Variants in ESR2 observed in about 807,000 individuals in gnomAD.
ESR2 encodes the protein estrogen receptor beta.
A neutral mutation model predicts 49.6 loss-of-function variants in ESR2; 36 were observed. The observed-to-expected ratio is 0.73, with a 90% CI of 0.56 to 0.96. The LOEUF (loss-of-function observed/expected upper bound fraction) is 0.96. Ranked by LOEUF, ESR2 falls within the 40% of genes least tolerant of loss-of-function variation. The pLI is 0.00. For synonymous variants in ESR2, 320 were observed against 266.1 expected, an observed-to-expected ratio of 1.20 and a Z score of -1.97; for missense variants, 714 against 693.0, an observed-to-expected ratio of 1.03 and a Z score of -0.34.
intron 7 of ESR2, among the ~76,000 whole-genome samples, chr14:64,240,926 C>A (rs914152459): frequency 6.6e-6 from 1 of 151,826 alleles, no homozygotes; most frequent in Non-Finnish European, 1.5e-5. Context: ...GGGCGGATCA[C>A]GAGATCAGGA....
chr14:64,237,733 G>C (rs1156358945), intron 7 of ESR2, among the ~76,000 whole-genome samples: 1 of 152,190 alleles, frequency 6.6e-6, no homozygotes, highest in East Asian at 1.9e-4. Flanking sequence ...TGATACAGAT[G>C]AACCTTGAAA....
chr14:64,337,082 T>C (rs1186629432), intron 1 of ESR2, among the ~76,000 whole-genome samples: 1 of 152,226 alleles, frequency 6.6e-6, no homozygotes, highest in East Asian at 1.9e-4. Context: ...CTAGCACCTA[T>C]AGCAGTGTTC....
At chr14:64,236,645 G>T (rs566541976) in intron 7 of ESR2, among the ~76,000 whole-genome samples, 31 of 152,136 alleles carry the variant, frequency 2.0e-4, no homozygotes, top group Admixed American at 3.3e-4. Flanking sequence ...CTCCGAACAT[G>T]CTCAACTTGC....
chr14:64,261,941 T>C (rs969198087), intron 4 of ESR2, among the ~76,000 whole-genome samples: 1 of 151,822 alleles, frequency 6.6e-6, no homozygotes, highest in Non-Finnish European at 1.5e-5. Flanking sequence ...TTTGTAGAAC[T>C]AGGGTCTTAC....
intron 7 of ESR2, among the ~76,000 whole-genome samples, chr14:64,249,241 T>G (rs1490776082): frequency 6.6e-6 from 1 of 152,202 alleles, no homozygotes; most frequent in African/African-American, 2.4e-5. Context: ...GTAAAGTGTC[T>G]GTGTGAGCAC....
downstream of ESR2, chr14:64,227,090 C>CGGCATTT (rs2098722022): frequency 1.8e-5 from 3 of 163,684 alleles, no homozygotes; most frequent in Admixed American, 6.2e-5. Context: ...GGATAGGCAT[C>CGGCATTT]GGCATTTCCC....
intron 3 of ESR2, among the ~76,000 whole-genome samples, chr14:64,276,424 C>T (rs1156502488): frequency 2.0e-5 from 3 of 152,136 alleles, no homozygotes; most frequent in Non-Finnish European, 4.4e-5. Context: ...CTATACATCA[C>T]GTATCAATGT....
chr14:64,253,080 T>G (rs574005480), intron 6 of ESR2, among the ~76,000 whole-genome samples: 1 of 152,142 alleles, frequency 6.6e-6, no homozygotes, highest in Non-Finnish European at 1.5e-5. Flanking sequence ...GGTCTTGAAC[T>G]CCTGACCTCA....
Position 64,233,186 on chromosome 14 carries a change from G to C in ESR2, c.1544C>G (p.Ala515Gly). 6.2e-7 allele frequency: 1 copy of C among 1,614,126 alleles called. No homozygotes were observed. Among genetic ancestry groups the C allele is most frequent in the Non-Finnish European group, 8.5e-7 (1 of 1,180,016 alleles). The change falls in exon 9 of 9, where the codon GCA becomes GGA. Residue 515 changes from alanine to glycine, a missense_variant. Physicochemically the swap from Ala to Gly is moderately conservative, Grantham distance 60. Coordinates refer to ENST00000341099, the MANE Select transcript of ESR2 (RefSeq NM_001437.3). ...GCCCTCTTTGCTTTTACTGTCCTCT[G>C]CCGGGCTGCACTCGGACCCCGTGAT... ...SSITGSECSP[A>G]EDSKSKEGSQ...
chr14:64,337,155 C>T (rs1567811148), intron 1 of ESR2, among the ~76,000 whole-genome samples: 1 of 152,212 alleles, frequency 6.6e-6, no homozygotes, highest in South Asian at 2.1e-4. Context: ...ACTGTTCACA[C>T]TCATCAGTAC....
At chr14:64,253,670 G>C (rs2076039460) in intron 6 of ESR2, among the ~76,000 whole-genome samples, 1 of 151,160 alleles carries the variant, frequency 6.6e-6, no homozygotes, top group Non-Finnish European at 1.5e-5. Context: ...TACAGACCAT[G>C]GTTTACCTCT....
Position 64,336,711 on chromosome 14 carries a change from A to G in ESR2, c.-91+1187T>C, listed in dbSNP as rs1169357207. 2.0e-5 allele frequency: 3 copies of G among 152,118 alleles called. No homozygotes were observed. The East Asian group carries it at 5.8e-4, about 29-fold the overall frequency. 9.4% of individuals were successfully genotyped at this position (152,118 alleles called of 1,614,324 possible). A position where few individuals can be genotyped will look rare whatever the true frequency, so the allele number is the denominator to read the frequency against. On this transcript the variant is annotated intron_variant, in intron 1 of 8. Coordinates refer to the ESR2 transcript ENST00000358599. The stretch of plus-strand genomic sequence containing the variant: ...TCATGAATTTAAATGCCATATCTCC[A>G]CTTGGATGTCTAAGAGGCAAGGTAT...
At chr14:64,307,503 A>G (rs12323439) in intron 1 of ESR2, among the ~76,000 whole-genome samples, 24,139 of 151,070 alleles carry the variant, frequency 0.16, 2,586 homozygotes, top group African/African-American at 0.3. Context: ...ATGAGCCACC[A>G]CACCGGTCTT....
intron 1 of ESR2, among the ~76,000 whole-genome samples, chr14:64,302,794 GTTA>G (rs1228939195): frequency 6.6e-6 from 1 of 151,764 alleles, no homozygotes; most frequent in Non-Finnish European, 1.5e-5. Flanking sequence ...TACTGTTGTT[GTTA>G]TTGTTGTTTT....
rs189578775 is a variant in ESR2, at chr14:64,308,552, T to C, written c.-90-25477A>G. ...TATATTGTGGCCAGAAAGTATATTT[T>C]ATGACAGAAATAATTTTAAATTTAT... On this transcript the variant is annotated intron_variant, in intron 1 of 8. Coordinates refer to the ESR2 transcript ENST00000358599. Among the ~76,000 whole-genome samples, 377 of 152,284 alleles carry C rather than the reference T, an allele frequency of 2.5e-3. 4 individuals are homozygous for C. The highest frequency in any genetic ancestry group is 8.9e-3 in the African/African-American group (368 of 41,564).
At chr14:64,300,266 C>T (rs1229362672) in intron 1 of ESR2, among the ~76,000 whole-genome samples, 1 of 152,202 alleles carries the variant, frequency 6.6e-6, no homozygotes, top group Non-Finnish European at 1.5e-5. Context: ...CACCTGCCTC[C>T]TTGCAAGAGA....
chr14:64,289,745 A>G (rs1284441975), intron 1 of ESR2, among the ~76,000 whole-genome samples: 2 of 152,186 alleles, frequency 1.3e-5, no homozygotes, highest in Admixed American at 6.5e-5. Flanking sequence ...TAGTCCAGAT[A>G]GCTGGGCTGC....
chr14:64,293,522 G>A (rs552320987), intron 1 of ESR2, among the ~76,000 whole-genome samples: 5 of 152,180 alleles, frequency 3.3e-5, no homozygotes, highest in Non-Finnish European at 7.3e-5. Context: ...GGTGTTAGAG[G>A]GCAGTTGTTG....
chr14:64,306,063 G>C (rs958202353), intron 1 of ESR2, among the ~76,000 whole-genome samples: 3 of 152,088 alleles, frequency 2.0e-5, no homozygotes, highest in African/African-American at 7.2e-5. Flanking sequence ...ACAAAAATTA[G>C]CTGGGCATGG....
Sources: allele counts gnomAD v4.1 joint callset (sites outside exome capture counted in the v4.1 genomes callset), GRCh38; gene constraint gnomAD v4.1.1; transcripts MANE v1.5; gene names NCBI Gene and HGNC (gene_info 2026-07-23, HGNC 2026-07-21).